Variants in ITSN1 observed in about 807,000 individuals in gnomAD.
ITSN1 encodes intersectin 1.
ITSN1 carries 58 observed loss-of-function variants against 239.8 expected under a neutral mutation model. The observed-to-expected ratio is 0.24, with a 90% CI of 0.20 to 0.30. The LOEUF (loss-of-function observed/expected upper bound fraction) is 0.30, where lower values mean the gene tolerates loss of function less well. ITSN1 is among the 10% of genes least tolerant of loss of function. ITSN1 has a pLI of 1.00. For missense variants in ITSN1, 1,558 were observed against 2,103.3 expected (o/e 0.74, Z 5.07); for synonymous variants, 780 against 770.8 (o/e 1.01, Z -0.20).
At chr21:33,868,905 T>C (rs1188982940) in intron 33 of ITSN1, among the ~76,000 whole-genome samples, 4 of 152,124 alleles carry the variant, frequency 2.6e-5, no homozygotes, top group African/African-American at 7.2e-5. Context: ...TTCAGATGTG[T>C]GACCAAGTGG....
chr21:33,858,010 G>A (rs1006909369), intron 30 of ITSN1, among the ~76,000 whole-genome samples: 4 of 152,164 alleles, frequency 2.6e-5, no homozygotes, highest in African/African-American at 9.7e-5. Flanking sequence ...GCAGGCGGGG[G>A]CTTGCAAGTG....
In ITSN1 at chr21:33,759,431, T is replaced by C. The variant is rs569476105; in HGVS notation, c.725-2492T>C. Among the ~76,000 whole-genome samples the C allele has an allele frequency of 6.4e-4, 97 of 152,372 alleles. 1 individual carries two copies. The South Asian group carries it at 0.019, about 31-fold the overall frequency. ...AGAGCTAGTTCTTCACATTTATTGTTAGGCTTTTTATGTGTAATAGATAAA... is the reference window on the plus strand; with the variant it reads ...AGAGCTAGTTCTTCACATTTATTGTCAGGCTTTTTATGTGTAATAGATAAA... On this transcript the variant is annotated intron_variant, in intron 8 of 39. Transcript: ENST00000381318.
chr21:33,820,243 A>G (rs886501006), intron 24 of ITSN1, among the ~76,000 whole-genome samples: 1 of 152,224 alleles, frequency 6.6e-6, no homozygotes, highest in Non-Finnish European at 1.5e-5. Flanking sequence ...CCAACTGAAT[A>G]AAACTTAGGT....
intron 27 of ITSN1, among the ~76,000 whole-genome samples, chr21:33,833,180 C>G (rs536383101): frequency 1.3e-5 from 2 of 152,172 alleles, no homozygotes; most frequent in East Asian, 3.9e-4. Flanking sequence ...TTATAAACTC[C>G]CCGGGTTTAT....
chr21:33,882,669 G>A lies in ITSN1; in HGVS notation c.4554+214G>A, dbSNP rs1985122029. 2.0e-5 allele frequency among the ~76,000 whole-genome samples: 3 copies of A among 152,130 alleles called. No individual in the cohort carries two copies. The highest frequency in any genetic ancestry group is 2.0e-4 in the Admixed American group (3 of 15,270). On this transcript the variant is annotated intron_variant, in intron 35 of 39. Transcript: ENST00000381318. The surrounding 1 kb of genome is among the most constrained non-coding windows in gnomAD (Gnocchi z 4.5). The stretch of plus-strand genomic sequence containing the variant: ...TCAGTGCTATCGGTGGAACATATTG[G>A]CTGCCAAATGGCTGCTGTGGTCCCC...
intron 31 of ITSN1, 49 bp downstream of exon 31, chr21:33,858,841 A>G (rs1209378193): frequency 1.9e-6 from 2 of 1,038,472 alleles, no homozygotes; most frequent in Admixed American, 1.8e-5. Context: ...CTCGGCTCTC[A>G]TGCACTCGCA....
rs2070221262 is a variant in ITSN1 at position 33,781,927 on chromosome 21, A to T, written c.1685-67A>T. 7 of 1,430,502 alleles carry T rather than the reference A, an allele frequency of 4.9e-6. No individual in the cohort carries two copies. In the East Asian group the frequency reaches 1.6e-4, roughly 33 times the overall value. 88.6% of individuals were successfully genotyped at this position (1,430,502 alleles called of 1,614,324 possible). On this transcript the variant is annotated intron_variant, in intron 15 of 39. Coordinates refer to ENST00000381318, the MANE Select transcript of ITSN1 (RefSeq NM_003024.3). ...GAATTTCCTTAAGTGAAATGAGAAC[A>T]TTAAAAAACATTTTCCTCACTGCAA...
At chr21:33,866,831 TG>T (rs900732973) in intron 32 of ITSN1, among the ~76,000 whole-genome samples, 1 of 152,138 alleles carries the variant, frequency 6.6e-6, no homozygotes, top group African/African-American at 2.4e-5. Context: ...CCAGCAGTTC[TG>T]GGGTGTAAGG....
chr21:33,676,086 G>A (rs912197565), intron 1 of ITSN1, among the ~76,000 whole-genome samples: 1 of 150,502 alleles, frequency 6.6e-6, no homozygotes, highest in Non-Finnish European at 1.5e-5. Flanking sequence ...CCAGGCTGGA[G>A]TGCAGTGGCA....
intron 34 of ITSN1, among the ~76,000 whole-genome samples, chr21:33,881,572 T>TG (rs1287151046): frequency 6.6e-6 from 1 of 152,114 alleles, no homozygotes; most frequent in Non-Finnish European, 1.5e-5. Context: ...TGAATCTGTG[T>TG]GGGGTTTTCT....
chr21:33,802,071 A>T (rs907118081), intron 19 of ITSN1, among the ~76,000 whole-genome samples: 2 of 152,140 alleles, frequency 1.3e-5, no homozygotes, highest in African/African-American at 4.8e-5. Flanking sequence ...TGAGGACCTC[A>T]TTACAATTTT....
chr21:33,829,515 A>G (rs1330531506), intron 26 of ITSN1, 109 bp from the exon 27 acceptor site: 2 of 1,143,730 alleles, frequency 1.7e-6, no homozygotes, highest in South Asian at 1.4e-5. Context: ...AGCTCAATAC[A>G]TTGGTTTTGA....
chr21:33,842,067 AT>A (rs1360058831), intron 29 of ITSN1, among the ~76,000 whole-genome samples: 2 of 151,672 alleles, frequency 1.3e-5, no homozygotes, highest in Non-Finnish European at 2.9e-5. Flanking sequence ...TGCCTCGCTA[AT>A]TTTTTTGTAC....
At chr21:33,775,703 G>A (rs934751648) in intron 14 of ITSN1, among the ~76,000 whole-genome samples, 6 of 152,080 alleles carry the variant, frequency 3.9e-5, no homozygotes, top group African/African-American at 1.4e-4. Context: ...GCAGGTGGGA[G>A]CTGGATCACA....
At chr21:33,863,829 G>T (rs77740453) in intron 31 of ITSN1, among the ~76,000 whole-genome samples, 1 of 152,118 alleles carries the variant, frequency 6.6e-6, no homozygotes, top group Non-Finnish European at 1.5e-5. Context: ...ATTTTTGCTC[G>T]TTGTGGTATT....
At chr21:33,669,506 C>A (rs2090132863) in intron 1 of ITSN1, among the ~76,000 whole-genome samples, 1 of 150,182 alleles carries the variant, frequency 6.7e-6, no homozygotes, top group African/African-American at 2.5e-5. Flanking sequence ...GTGGTGCGAT[C>A]TCGGCTCACT....
intron 29 of ITSN1, among the ~76,000 whole-genome samples, chr21:33,853,303 T>G (rs1314898411): frequency 6.6e-6 from 1 of 152,182 alleles, no homozygotes; most frequent in African/African-American, 2.4e-5. Flanking sequence ...TCCCCTGACC[T>G]CCAAGCTCCA....
intron 4 of ITSN1, among the ~76,000 whole-genome samples, chr21:33,730,210 C>G (rs1308365694): frequency 6.6e-6 from 1 of 151,866 alleles, no homozygotes; most frequent in African/African-American, 2.4e-5. Flanking sequence ...CAGACAAGGT[C>G]ACTCCCTCTT....
At chr21:33,682,201 A>C (rs1180185987) in intron 1 of ITSN1, among the ~76,000 whole-genome samples, 1 of 150,556 alleles carries the variant, frequency 6.6e-6, no homozygotes, top group African/African-American at 2.4e-5. Flanking sequence ...CTCCTATATA[A>C]TTCCTTTCTT....
Sources: gnomAD v4.1 joint callset for allele counts (sites outside exome capture counted in the v4.1 genomes callset) on GRCh38, gnomAD v4.1.1 for gene constraint, Gnocchi (gnomAD v3.1) non-coding constraint, MANE v1.5 for transcripts, NCBI Gene and HGNC (gene_info 2026-07-23, HGNC 2026-07-21) for gene names.